The following LRRC7 variants were observed in gnomAD, a reference collection of about 807,000 sequenced individuals.
LRRC7 encodes the protein leucine rich repeat containing 7.
A neutral mutation model predicts 175.7 loss-of-function variants in LRRC7; 23 were observed. That is an observed-to-expected ratio of 0.13 (90% CI 0.09 to 0.19). LRRC7 has a LOEUF of 0.19. LRRC7 is among the 10% of genes least tolerant of loss of function. The probability of loss-of-function intolerance (pLI) is 1.00; values close to 1 mark genes in which losing one functional copy is unlikely to be tolerated. For missense variants in LRRC7, 1,354 were observed against 1,904.7 expected (o/e 0.71, Z 5.38); for synonymous variants, 685 against 680.9 (o/e 1.01, Z -0.09).
chr1:70,038,653 T>C lies in LRRC7; in HGVS notation c.2829T>C (p.Leu943=), dbSNP rs1659569206. The C allele has an allele frequency of 1.2e-6, 2 of 1,614,006 alleles. No individual in the cohort carries two copies. Among genetic ancestry groups the C allele is most frequent in the East Asian group, 2.2e-5 (1 of 44,880 alleles). Residue 943 remains leucine (L), a synonymous_variant, in exon 21 of 27, where the codon CTT becomes CTC. Transcript: ENST00000651989. ...EYHDSNPNRS[L]SNVFSQIHCR... ...ATGATTCCAATCCCAACAGGAGTCT[T>C]AGTAATGTCTTTTCTCAAATCCACT...
At chr1:69,884,665 G>A (rs1284152043) in intron 7 of LRRC7, among the ~76,000 whole-genome samples, 2 of 140,220 alleles carry the variant, frequency 1.4e-5, no homozygotes, top group African/African-American at 2.8e-5. Flanking sequence ...GAATAGGAGT[G>A]GTGAGAGAGG....
At chr1:69,968,169 T>C (rs1651854383) in intron 8 of LRRC7, among the ~76,000 whole-genome samples, 1 of 151,662 alleles carries the variant, frequency 6.6e-6, no homozygotes, top group Non-Finnish European at 1.5e-5. Context: ...CTCTGGAAAG[T>C]CTCAGCAATA....
chr1:69,838,224 T>C lies in LRRC7; in HGVS notation c.591-3T>C. 6.2e-7 allele frequency: 1 copy of C among 1,607,244 alleles called. No homozygotes were observed. The highest frequency in any genetic ancestry group is 8.5e-7 in the Non-Finnish European group (1 of 1,174,970). ...AGGAAATTTTTAAAATTCATTTCTGTAGACTTGTCAAATTGCGGATCTTGG... is the reference window on the plus strand; with the variant it reads ...AGGAAATTTTTAAAATTCATTTCTGCAGACTTGTCAAATTGCGGATCTTGG... On this transcript the variant is annotated splice_region_variant and splice_polypyrimidine_tract_variant and intron_variant, in intron 6 of 26. Coordinates refer to ENST00000651989, the MANE Select transcript of LRRC7 (RefSeq NM_001370785.2).
rs148982456 is a variant in LRRC7, at chr1:69,732,797, G to T, written c.101-27394G>T. On this transcript the variant is annotated intron_variant, in intron 2 of 26. Coordinates refer to ENST00000651989, the MANE Select transcript of LRRC7 (RefSeq NM_001370785.2). ...ATTAAATGTGAATGAGGATGGGGCT[G>T]CAACTGACACACTTTTATGAAGATA... Among the ~76,000 whole-genome samples, 540 of 152,138 alleles carry T rather than the reference G, an allele frequency of 3.5e-3. 4 individuals carry two copies. The highest frequency in any genetic ancestry group is 0.012 in the African/African-American group (480 of 41,544).
chr1:70,112,936 T>C lies in LRRC7; in HGVS notation c.4620+5110T>C, dbSNP rs536868906. ...ATTGGAGAGGAAGACCCCAGACTCG[T>C]GTGTTAGAGTCATGAAGAAAGGAAA... On this transcript the variant is annotated intron_variant, in intron 26 of 26. Transcript: ENST00000651989. 1.1e-4 allele frequency among the ~76,000 whole-genome samples: 16 copies of C among 152,180 alleles called. No individual in the cohort carries two copies. In the South Asian group the frequency reaches 3.3e-3, roughly 32 times the overall value.
At chr1:70,116,471 C>A (rs1039058805) in intron 26 of LRRC7, among the ~76,000 whole-genome samples, 2 of 148,676 alleles carry the variant, frequency 1.3e-5, no homozygotes, top group Non-Finnish European at 3.0e-5. Context: ...GGCGTGAGCC[C>A]GGGAGGCAGA....
intron 7 of LRRC7, among the ~76,000 whole-genome samples, chr1:69,925,118 A>G (rs1647022700): frequency 6.6e-6 from 1 of 152,246 alleles, no homozygotes; most frequent in Non-Finnish European, 1.5e-5. Context: ...ATTTGCATAT[A>G]TTGAACTAGC....
chr1:70,030,095 C>T (rs980357649), intron 18 of LRRC7, among the ~76,000 whole-genome samples: 1 of 152,044 alleles, frequency 6.6e-6, no homozygotes, highest in African/African-American at 2.4e-5. Context: ...TCATTTCTAC[C>T]TCCTCAAGCC....
intron 1 of LRRC7, among the ~76,000 whole-genome samples, chr1:69,587,751 A>G (rs763456651): frequency 6.6e-5 from 10 of 152,124 alleles, no homozygotes; most frequent in Non-Finnish European, 1.5e-4. Flanking sequence ...TGGTTTTAAA[A>G]GTGTTTGGAA....
At chr1:69,976,344 G>A (rs904630810) in intron 8 of LRRC7, among the ~76,000 whole-genome samples, 23 of 152,316 alleles carry the variant, frequency 1.5e-4, no homozygotes, top group African/African-American at 5.5e-4. Flanking sequence ...TGCAGCCTGG[G>A]AGGCTAAGCC....
intron 2 of LRRC7, among the ~76,000 whole-genome samples, chr1:69,723,266 G>A (rs1301110576): frequency 6.6e-6 from 1 of 152,062 alleles, no homozygotes; most frequent in Non-Finnish European, 1.5e-5. Context: ...ACATCTGCTA[G>A]GAAATGCATA....
intron 1 of LRRC7, among the ~76,000 whole-genome samples, chr1:69,571,303 A>T (rs549170443): frequency 2.4e-4 from 37 of 152,194 alleles, no homozygotes; most frequent in Non-Finnish European, 4.3e-4. Context: ...ATTTTAGTGC[A>T]GCTTTAGGCT....
intron 2 of LRRC7, among the ~76,000 whole-genome samples, chr1:69,719,123 A>G (rs1266670632): frequency 6.6e-6 from 1 of 151,796 alleles, no homozygotes; most frequent in South Asian, 2.1e-4. Context: ...AGCAAATTCA[A>G]TTTAAAGTAT....
intron 3 of LRRC7, among the ~76,000 whole-genome samples, chr1:69,786,272 C>A (rs1473325001): frequency 6.6e-6 from 1 of 152,076 alleles, no homozygotes; most frequent in Admixed American, 6.6e-5. Flanking sequence ...ATTCCAGTCT[C>A]TAACACAAGA....
chr1:69,849,258 A>G (rs1224389667), intron 7 of LRRC7, among the ~76,000 whole-genome samples: 1 of 152,026 alleles, frequency 6.6e-6, no homozygotes, highest in Non-Finnish European at 1.5e-5. Context: ...CTTACACTAT[A>G]GGAATTGGTT....
At chr1:69,786,299 T>C (rs1202589123) in intron 3 of LRRC7, among the ~76,000 whole-genome samples, 2 of 152,134 alleles carry the variant, frequency 1.3e-5, no homozygotes, top group Non-Finnish European at 2.9e-5. Flanking sequence ...AGTCTTGTGG[T>C]TGGCAATTCC....
At chr1:69,827,955 T>C (rs985029570) in intron 5 of LRRC7, among the ~76,000 whole-genome samples, 1 of 152,136 alleles carries the variant, frequency 6.6e-6, no homozygotes, top group African/African-American at 2.4e-5. Flanking sequence ...CTCAAAGAAT[T>C]CCCTTAGCCC....
At chr1:70,023,098 C>T in intron 16 of LRRC7, 28 bp from the exon 17 acceptor site, 1 of 1,390,596 alleles carries the variant, frequency 7.2e-7, no homozygotes, top group Non-Finnish European at 9.4e-7. Context: ...CTCTTTCTCC[C>T]AGAAAATGGA....
At chr1:69,733,798 G>T (rs1464993592) in intron 2 of LRRC7, among the ~76,000 whole-genome samples, 1 of 151,974 alleles carries the variant, frequency 6.6e-6, no homozygotes, top group Non-Finnish European at 1.5e-5. Flanking sequence ...AAAGGCATTT[G>T]GCTCTCTGCA....
Sources: gnomAD v4.1 joint callset for allele counts (sites outside exome capture counted in the v4.1 genomes callset) on GRCh38, gnomAD v4.1.1 for gene constraint, MANE v1.5 for transcripts, NCBI Gene and HGNC (gene_info 2026-07-23, HGNC 2026-07-21) for gene names.